The following PRKN variants were observed in gnomAD, a reference collection of about 807,000 sequenced individuals.
PRKN encodes parkin RBR E3 ubiquitin protein ligase.
A neutral mutation model predicts 59.5 loss-of-function variants in PRKN; 56 were observed. The ratio of observed to expected loss-of-function variants is 0.94; its 90% confidence interval spans 0.76 to 1.18. PRKN has a LOEUF of 1.18. PRKN is among the 50% of genes most tolerant of loss of function. The pLI, the probability that PRKN is intolerant of heterozygous loss-of-function variation, is 0.00. For missense variants in PRKN, 657 were observed against 596.4 expected (o/e 1.10, Z -1.06); for synonymous variants, 250 against 222.1 (o/e 1.13, Z -1.12).
chr6:161,388,441 G>A lies in PRKN; in HGVS notation c.1084-1564C>T, dbSNP rs1467501420. On this transcript the variant is annotated intron_variant, in intron 9 of 11. Coordinates refer to ENST00000366898, the MANE Select transcript of PRKN (RefSeq NM_004562.3). This position sits in a 1 kb window ranked among gnomAD's most constrained non-coding sequence, Gnocchi z 4.3. ...TGGAACTTTCTTTAATAAGTTGTAG[G>A]CAACATCTCCCACAGCAGAAACTGT... Among the ~76,000 whole-genome samples the A allele has an allele frequency of 1.3e-5, 2 of 152,192 alleles. No individual in the cohort carries two copies. The highest frequency in any genetic ancestry group is 1.9e-4 in the East Asian group (1 of 5,192).
In PRKN at chr6:161,466,666, T is replaced by TA. The variant is rs1337121067; in HGVS notation, c.1084-79790dup. On this transcript the variant is annotated intron_variant, in intron 9 of 11. Transcript: ENST00000366898. The surrounding 1 kb of genome is among the most constrained non-coding windows in gnomAD (Gnocchi z 5.0). The stretch of plus-strand genomic sequence containing the variant: ...TCAAAGTAACAGGAGGGCCTAACCT[T>TA]AAATAAATATGCAGCCATACTGCTA... Among the ~76,000 whole-genome samples the TA allele has an allele frequency of 6.6e-6, 1 of 152,164 alleles. No individual in the cohort carries two copies. Among genetic ancestry groups the TA allele is most frequent in the Non-Finnish European group, 1.5e-5 (1 of 68,024 alleles).
intron 1 of PRKN, among the ~76,000 whole-genome samples, chr6:162,575,139 AG>A (rs1181947849): frequency 6.6e-6 from 1 of 152,172 alleles, no homozygotes; most frequent in African/African-American, 2.4e-5. Context: ...TATGCCATGG[AG>A]AAAATGAGGC....
intron 6 of PRKN, among the ~76,000 whole-genome samples, chr6:161,950,856 C>G (rs1471695941): frequency 1.3e-5 from 2 of 151,320 alleles, no homozygotes; most frequent in East Asian, 2.0e-4. Flanking sequence ...AAGCCTCAGG[C>G]GAAGGGCTAG....
At chr6:161,506,101 A>G (rs1019031725) in intron 9 of PRKN, among the ~76,000 whole-genome samples, 18 of 150,858 alleles carry the variant, frequency 1.2e-4, no homozygotes, top group Admixed American at 4.6e-4. Context: ...CATTGAATCT[A>G]TAAATTACCT....
intron 2 of PRKN, among the ~76,000 whole-genome samples, chr6:162,434,194 A>G (rs1216032861): frequency 6.6e-6 from 1 of 152,204 alleles, no homozygotes; most frequent in Non-Finnish European, 1.5e-5. Flanking sequence ...GAAGACATAT[A>G]TGTACAAAAG....
At chr6:162,477,360 G>C (rs937570352) in intron 1 of PRKN, among the ~76,000 whole-genome samples, 1 of 152,122 alleles carries the variant, frequency 6.6e-6, no homozygotes, top group African/African-American at 2.4e-5. Flanking sequence ...TAAATTCGCT[G>C]ATGAATGTTA....
intron 1 of PRKN, among the ~76,000 whole-genome samples, chr6:162,594,946 G>A (rs1373184188): frequency 6.6e-6 from 1 of 152,116 alleles, no homozygotes; most frequent in Non-Finnish European, 1.5e-5. Context: ...AGGCTGAGGT[G>A]AGTAGATCAC....
chr6:161,474,239 C>A (rs1317773475), intron 9 of PRKN, among the ~76,000 whole-genome samples: 2 of 152,180 alleles, frequency 1.3e-5, no homozygotes, highest in East Asian at 3.9e-4. Context: ...AAGTGCCCAG[C>A]ACAGGGCCTG....
intron 3 of PRKN, among the ~76,000 whole-genome samples, chr6:162,224,465 C>G (rs928456734): frequency 6.6e-6 from 1 of 152,142 alleles, no homozygotes; most frequent in African/African-American, 2.4e-5. Flanking sequence ...CACACAATGC[C>G]AAGATCACCT....
At chr6:162,349,339 G>A (rs188251297) in intron 2 of PRKN, among the ~76,000 whole-genome samples, 120 of 152,158 alleles carry the variant, frequency 7.9e-4, no homozygotes, top group African/African-American at 2.8e-3. Flanking sequence ...GTTGGCATGC[G>A]CCTGAAATCC....
intron 7 of PRKN, among the ~76,000 whole-genome samples, chr6:161,676,425 G>T (rs1472735341): frequency 3.3e-5 from 5 of 152,200 alleles, no homozygotes; most frequent in Non-Finnish European, 7.3e-5. Flanking sequence ...AACTGGCTCT[G>T]ATCTAAGAAT....
intron 6 of PRKN, among the ~76,000 whole-genome samples, chr6:161,877,083 A>G (rs1296655627): frequency 6.6e-6 from 1 of 152,148 alleles, no homozygotes; most frequent in Non-Finnish European, 1.5e-5. Flanking sequence ...CAATGCCTGA[A>G]TCCTATATGT....
At chr6:162,581,586 T>C (rs537083377) in intron 1 of PRKN, among the ~76,000 whole-genome samples, 141 of 152,148 alleles carry the variant, frequency 9.3e-4, no homozygotes, top group African/African-American at 3.3e-3. Context: ...CATGGCAAAA[T>C]CCCGTCTCTA....
chr6:162,425,833 T>C (rs1789213098), intron 2 of PRKN, among the ~76,000 whole-genome samples: 1 of 152,224 alleles, frequency 6.6e-6, no homozygotes, highest in African/African-American at 2.4e-5. Context: ...TTGATGACAC[T>C]GGTGTATATT....
intron 1 of PRKN, among the ~76,000 whole-genome samples, chr6:162,527,708 A>G (rs956016643): frequency 1.3e-5 from 2 of 152,216 alleles, no homozygotes; most frequent in African/African-American, 4.8e-5. Flanking sequence ...GACATGGTCC[A>G]TGTGTGTTTT....
At chr6:162,266,729 T>G (rs1780155111) in intron 2 of PRKN, among the ~76,000 whole-genome samples, 1 of 152,160 alleles carries the variant, frequency 6.6e-6, no homozygotes, top group South Asian at 2.1e-4. Context: ...GAAGGCTGTT[T>G]TGAAGATTTA....
chr6:161,735,271 C>T (rs1410999823), intron 7 of PRKN, among the ~76,000 whole-genome samples: 1 of 152,142 alleles, frequency 6.6e-6, no homozygotes, highest in Admixed American at 6.6e-5. Context: ...GACAGCAAGA[C>T]TAACCTCTCC....
intron 2 of PRKN, among the ~76,000 whole-genome samples, chr6:162,418,227 T>C (rs1293791234): frequency 6.6e-6 from 1 of 152,150 alleles, no homozygotes; most frequent in African/African-American, 2.4e-5. Context: ...TTGAAAACAT[T>C]GTACTAAGTG....
At chr6:162,177,839 T>C (rs1783612965) in intron 4 of PRKN, among the ~76,000 whole-genome samples, 1 of 152,210 alleles carries the variant, frequency 6.6e-6, no homozygotes, top group African/African-American at 2.4e-5. Context: ...TAGATCAAGC[T>C]GCAGCTGCGT....
Sources: gnomAD v4.1 joint callset for allele counts (sites outside exome capture counted in the v4.1 genomes callset) on GRCh38, gnomAD v4.1.1 for gene constraint, Gnocchi (gnomAD v3.1) non-coding constraint, MANE v1.5 for transcripts, NCBI Gene and HGNC (gene_info 2026-07-23, HGNC 2026-07-21) for gene names.